The following SLC38A6 variants were observed in gnomAD, a reference collection of about 807,000 sequenced individuals.
SLC38A6 encodes N system amino acid transporter NAT-1.
In SLC38A6, 73 loss-of-function variants were observed where a neutral mutation model predicts 65.0. The observed-to-expected ratio is 1.12, with a 90% CI of 0.93 to 1.37. SLC38A6 has a LOEUF of 1.37. SLC38A6 is among the 40% of genes most tolerant of loss of function. SLC38A6 has a pLI of 0.00. For missense variants in SLC38A6, 561 were observed against 531.1 expected (o/e 1.06, Z -0.55); for synonymous variants, 183 against 178.8 (o/e 1.02, Z -0.19).
chr14:61,041,018 A>G (rs1369442995), intron 8 of SLC38A6, among the ~76,000 whole-genome samples: 2 of 152,246 alleles, frequency 1.3e-5, no homozygotes, highest in African/African-American at 4.8e-5. Context: ...GAGAAGGCTC[A>G]CTGAGAGCTA....
At position 60,984,765 on chromosome 14, in the gene SLC38A6, A is replaced by G. The variant is rs2037327931; in HGVS notation, c.272A>G (p.Tyr91Cys). ...CTGACAGTTGCTCTCCTGGCTTCTTACTCAGTCCATCTTCTGCTTAGTATG... is the reference window on the plus strand; with the variant it reads ...CTGACAGTTGCTCTCCTGGCTTCTTGCTCAGTCCATCTTCTGCTTAGTATG... ...LLLTVALLAS[Y>C]SVHLLLSMCI... Residue 91 changes from tyrosine (Y) to cysteine (C), a missense_variant, in exon 3 of 16, where the codon TAC (tyrosine) becomes TGC (cysteine). By Grantham distance (194) the Tyr-to-Cys change is radical. Coordinates refer to ENST00000267488, the MANE Select transcript of SLC38A6 (RefSeq NM_153811.3). 2 of 1,613,810 alleles carry G rather than the reference A, an allele frequency of 1.2e-6. No individual in the cohort carries two copies. Among genetic ancestry groups the G allele is most frequent in the African/African-American group, 2.7e-5 (2 of 74,898 alleles).
intron 15 of SLC38A6, among the ~76,000 whole-genome samples, chr14:61,069,567 T>C (rs1210832020): frequency 2.0e-5 from 3 of 152,174 alleles, no homozygotes; most frequent in African/African-American, 7.2e-5. Flanking sequence ...ATACCCAGAA[T>C]GTGACTTATT....
intron 5 of SLC38A6, among the ~76,000 whole-genome samples, chr14:61,027,720 TATATA>T (rs879688568): frequency 7.7e-6 from 1 of 129,704 alleles, no homozygotes; most frequent in African/African-American, 2.9e-5. Flanking sequence ...TTCTGTATTA[TATATA>T]ATATAATGTG....
At chr14:61,030,388 G>T in intron 5 of SLC38A6, 57 bp from the exon 6 acceptor site, 1 of 1,318,256 alleles carries the variant, frequency 7.6e-7, no homozygotes. Context: ...ATGGATTATT[G>T]TTTAAATGGT....
chr14:60,988,017 C>T (rs2037581728), intron 3 of SLC38A6, among the ~76,000 whole-genome samples: 1 of 152,206 alleles, frequency 6.6e-6, no homozygotes, highest in Admixed American at 6.5e-5. Flanking sequence ...TCTTCCACTG[C>T]TCTCTAACTC....
rs768889619 is a variant in SLC38A6 at position 60,981,356 on chromosome 14, G to T, written c.79G>T (p.Glu27Ter). Reference sequence around the variant, plus strand: ...CCAGCAGCCTGAAGAAGCGGAGGCCGAAGAGTTGAGTCCGTTGCTAAGCAA... The same window carrying T: ...CCAGCAGCCTGAAGAAGCGGAGGCCTAAGAGTTGAGTCCGTTGCTAAGCAA... ...SVQQPEEAEA[E>*]ELSPLLSNEL... Residue 27 changes from glutamate (E) to a stop codon, truncating the protein, a stop_gained, in exon 1 of 16, where the codon GAA (glutamate) becomes TAA (stop). Coordinates refer to ENST00000267488, the MANE Select transcript of SLC38A6 (RefSeq NM_153811.3). LOFTEE classifies it high-confidence loss of function. 3 of 1,607,758 alleles carry T rather than the reference G, an allele frequency of 1.9e-6. No homozygotes were observed. Among genetic ancestry groups the T allele is most frequent in the Non-Finnish European group, 2.5e-6 (3 of 1,177,240 alleles).
chr14:61,046,367 T>G (rs2042148775), intron 12 of SLC38A6, among the ~76,000 whole-genome samples, 200 bp downstream of exon 12: 1 of 152,216 alleles, frequency 6.6e-6, no homozygotes, highest in South Asian at 2.1e-4. Context: ...GGTTTAAGAT[T>G]AATGACTTCT....
At chr14:61,083,125 G>A (rs979121234) in intron 16 of SLC38A6, among the ~76,000 whole-genome samples, 17 of 152,164 alleles carry the variant, frequency 1.1e-4, no homozygotes, top group African/African-American at 3.4e-4. Context: ...TCACCTAGTG[G>A]ACTGTAGCAA....
At chr14:61,065,973 A>T (rs2043005768) in intron 15 of SLC38A6, among the ~76,000 whole-genome samples, 1 of 150,838 alleles carries the variant, frequency 6.6e-6, no homozygotes, top group Non-Finnish European at 1.5e-5. Flanking sequence ...ACTCAAACTG[A>T]ATTAATTTTA....
chr14:61,053,276 G>A (rs984915661), downstream of SLC38A6, among the ~76,000 whole-genome samples: 9 of 152,010 alleles, frequency 5.9e-5, no homozygotes, highest in African/African-American at 2.2e-4. Context: ...GTCTGTCATT[G>A]ATGGGTATAT....
At chr14:61,039,067 A>G (rs1022937537) in intron 8 of SLC38A6, among the ~76,000 whole-genome samples, 1 of 152,248 alleles carries the variant, frequency 6.6e-6, no homozygotes, top group Admixed American at 6.5e-5. Context: ...CAATGCAATC[A>G]TTGCATAGAT....
chr14:61,033,930 A>G (rs952102970), intron 6 of SLC38A6: 1 of 152,194 alleles, frequency 6.6e-6, no homozygotes, highest in African/African-American at 2.4e-5. Flanking sequence ...TATGAAAAGG[A>G]GAATGCAAAG....
Position 61,016,820 on chromosome 14 carries a change from G to A in SLC38A6, c.363+864G>A, listed in dbSNP as rs568233127. On this transcript the variant is annotated intron_variant, in intron 4 of 15. Coordinates refer to ENST00000267488, the MANE Select transcript of SLC38A6 (RefSeq NM_153811.3). Reference sequence around the variant, plus strand: ...TGTATATATTTATTATGGACAACATGTCATTTTGAAATATGTAAACATTGT... The same window carrying A: ...TGTATATATTTATTATGGACAACATATCATTTTGAAATATGTAAACATTGT... 1.7e-3 allele frequency among the ~76,000 whole-genome samples: 263 copies of A among 152,214 alleles called. 2 individuals are homozygous for A. The highest frequency in any genetic ancestry group is 3.4e-3 in the Middle Eastern group (1 of 292).
intron 3 of SLC38A6, among the ~76,000 whole-genome samples, chr14:61,008,812 C>T (rs960548749): frequency 1.3e-5 from 2 of 152,118 alleles, no homozygotes; most frequent in Admixed American, 1.3e-4. Flanking sequence ...ATTCTAGACA[C>T]CTGGAGAAGT....
intron 3 of SLC38A6, among the ~76,000 whole-genome samples, chr14:61,015,139 C>G (rs566184835): frequency 3.3e-5 from 5 of 152,316 alleles, no homozygotes. Context: ...GACTGCTGTG[C>G]TAGCAATGAG....
chr14:61,031,411 A>C (rs2040981527), intron 6 of SLC38A6, among the ~76,000 whole-genome samples: 1 of 152,160 alleles, frequency 6.6e-6, no homozygotes, highest in South Asian at 2.1e-4. Context: ...TTCAGCTTCC[A>C]TTAAAGAATT....
At chr14:61,015,806 A>T in intron 3 of SLC38A6, 98 bp from the exon 4 acceptor site, 1 of 852,026 alleles carries the variant, frequency 1.2e-6, no homozygotes, top group Non-Finnish European at 1.8e-6. Flanking sequence ...CATAAGAATT[A>T]TACTGTATTT....
At chr14:60,987,929 T>A (rs1315854404) in intron 3 of SLC38A6, among the ~76,000 whole-genome samples, 1 of 152,230 alleles carries the variant, frequency 6.6e-6, no homozygotes, top group Non-Finnish European at 1.5e-5. Flanking sequence ...TCAATTTGTG[T>A]TAGTCATTTC....
intron 3 of SLC38A6, among the ~76,000 whole-genome samples, chr14:61,011,465 C>T (rs1206561498): frequency 1.3e-5 from 2 of 151,968 alleles, no homozygotes; most frequent in Non-Finnish European, 2.9e-5. Context: ...TGCCAGTTTT[C>T]AAAGGGAATG....
Sources: allele counts gnomAD v4.1 joint callset (sites outside exome capture counted in the v4.1 genomes callset), GRCh38; gene constraint gnomAD v4.1.1; transcripts MANE v1.5; gene names NCBI Gene and HGNC (gene_info 2026-07-23, HGNC 2026-07-21).